The following ANKHD1 variants were observed in gnomAD, a reference collection of about 807,000 sequenced individuals.
The protein encoded by ANKHD1 is ankyrin repeat and KH domain containing 1, also known as ankyrin repeat and KH domain-containing protein 1.
A neutral mutation model predicts 230.5 loss-of-function variants in ANKHD1; 31 were observed. The ratio of observed to expected loss-of-function variants is 0.13; its 90% CI spans 0.10 to 0.18. The LOEUF is 0.18. ANKHD1 is among the 10% of genes least tolerant of loss of function. The pLI is 1.00. For synonymous variants in ANKHD1, 1,074 were observed against 1,117.6 expected, an observed-to-expected ratio of 0.96 and a Z score of 0.78; for missense variants, 2,256 against 3,071.3, an observed-to-expected ratio of 0.73 and a Z score of 6.27.
At chr5:140,414,453 T>C (rs942236595) in intron 1 of ANKHD1, among the ~76,000 whole-genome samples, 1 of 152,220 alleles carries the variant, frequency 6.6e-6, no homozygotes, top group African/African-American at 2.4e-5. Flanking sequence ...TGATTAGTAG[T>C]GTTAAGCATC....
In ANKHD1 at chr5:140,457,341, A is replaced by G. The variant is rs542437637; in HGVS notation, c.1243-1284A>G. Among the ~76,000 whole-genome samples the G allele has an allele frequency of 4.4e-3, 663 of 152,356 alleles. 5 individuals carry two copies. The highest frequency in any genetic ancestry group is 0.013 in the African/African-American group (546 of 41,588). On this transcript the variant is annotated intron_variant, in intron 7 of 33. Coordinates refer to ENST00000360839, the MANE Select transcript of ANKHD1 (RefSeq NM_017747.3). ...ACTAGAAATACCATTTGACCCAGCAATCCCATTACTGGGTATATACCCAAA... is the reference window on the plus strand; with the variant it reads ...ACTAGAAATACCATTTGACCCAGCAGTCCCATTACTGGGTATATACCCAAA...
chr5:140,497,170 A>T lies in ANKHD1; in HGVS notation c.2896A>T (p.Ile966Phe). ...GNQQIVGQPQIAITGHDQGLL... is the reference protein window; with the variant it reads ...GNQQIVGQPQFAITGHDQGLL... ...TCAGCAGATTGTAGGACAGCCTCAG[A>T]TTGCTATTACTGGACATGATCAGGG... Residue 966 changes from isoleucine to phenylalanine, a missense_variant, in exon 15 of 34, where the codon ATT becomes TTT. Ile to Phe is a conservative substitution (Grantham distance 21). This residue lies in a region of ANKHD1 where 358 missense variants were observed against 397.7 expected (regional missense o/e 0.90). Coordinates refer to ENST00000360839, the MANE Select transcript of ANKHD1 (RefSeq NM_017747.3). The T allele has an allele frequency of 3.1e-6, 5 of 1,613,930 alleles. No homozygotes were observed. Among genetic ancestry groups the T allele is most frequent in the Non-Finnish European group, 4.2e-6 (5 of 1,180,006 alleles).
chr5:140,523,535 ATTT>A (rs752989533), intron 24 of ANKHD1, among the ~76,000 whole-genome samples: 20 of 143,804 alleles, frequency 1.4e-4, no homozygotes, highest in Middle Eastern at 3.8e-3. Flanking sequence ...TTGCAAAAAT[ATTT>A]TTCCCATTTT....
intron 22 of ANKHD1, among the ~76,000 whole-genome samples, chr5:140,512,500 T>TA (rs777751280): frequency 6.6e-6 from 1 of 152,206 alleles, no homozygotes. Context: ...TTCTAGGAGA[T>TA]ACTGTTTTTC....
In ANKHD1 at chr5:140,418,781, A is replaced by G. The variant is rs371999887; in HGVS notation, c.306+16508A>G. 4.6e-4 allele frequency among the ~76,000 whole-genome samples: 70 copies of G among 152,338 alleles called. 1 individual carries two copies. In the South Asian group the frequency reaches 7.5e-3, roughly 16 times the overall value. Reference sequence around the variant, plus strand: ...AGTCTTGCTCTGTCACCCAGGCTGCAGTGCAGTGGGGCAGTCATATCTCAT... The same window carrying G: ...AGTCTTGCTCTGTCACCCAGGCTGCGGTGCAGTGGGGCAGTCATATCTCAT... On this transcript the variant is annotated intron_variant, in intron 1 of 33. Transcript: ENST00000360839.
Position 140,506,857 on chromosome 5 carries a change from G to A in ANKHD1, c.3431G>A (p.Arg1144Gln). Reference sequence around the variant, plus strand: ...TAGGTGGTAGACTTGCTGCTGGCTCGAGGTGCAAATAAAGAACATAGGAAC... The same window carrying A: ...TAGGTGGTAGACTTGCTGCTGGCTCAAGGTGCAAATAAAGAACATAGGAAC... ...RQEVVDLLLA[R>Q]GANKEHRNVS... The change falls in exon 19 of 34, where the codon CGA becomes CAA. Residue 1144 changes from arginine (R) to glutamine (Q), a missense_variant. Physicochemically the swap from Arg to Gln is conservative, Grantham distance 43. This residue lies in a region of ANKHD1 where 63 missense variants were observed against 125.5 expected (regional missense o/e 0.50). Transcript: ENST00000360839. The surrounding 1 kb of genome is among the most constrained non-coding windows in gnomAD (Gnocchi z 4.7). 1.2e-6 allele frequency: 2 copies of A among 1,613,928 alleles called. No individual in the cohort carries two copies. Among genetic ancestry groups the A allele is most frequent in the Non-Finnish European group, 1.7e-6 (2 of 1,179,954 alleles).
intron 1 of ANKHD1, among the ~76,000 whole-genome samples, chr5:140,419,274 G>C (rs902209040): frequency 6.6e-6 from 1 of 150,956 alleles, no homozygotes; most frequent in African/African-American, 2.4e-5. Context: ...TATCTTTGAA[G>C]AAATATCTAT....
chr5:140,484,726 T>G (rs1751429321), intron 11 of ANKHD1: 1 of 153,804 alleles, frequency 6.5e-6, no homozygotes, highest in African/African-American at 2.4e-5. Flanking sequence ...GAACTACAGC[T>G]TCATGCAACA....
chr5:140,461,125 G>A (rs1308275880), intron 9 of ANKHD1, among the ~76,000 whole-genome samples: 1 of 152,126 alleles, frequency 6.6e-6, no homozygotes, highest in African/African-American at 2.4e-5. Context: ...CTCAGCTTTT[G>A]TGTTATCTCT....
chr5:140,458,979 TGC>T (rs1477216839), intron 8 of ANKHD1, 117 bp downstream of exon 8: 2,914 of 20,106 alleles, frequency 0.14, 167 homozygotes, highest in Non-Finnish European at 0.18. Flanking sequence ...TATATATATA[TGC>T]ATATATATAT....
In ANKHD1 at chr5:140,507,744, A is replaced by C. The variant is rs766063760; in HGVS notation, c.3552-41A>C. On this transcript the variant is annotated intron_variant, in intron 19 of 33. Coordinates refer to ENST00000360839, the MANE Select transcript of ANKHD1 (RefSeq NM_017747.3). The surrounding 1 kb of genome is among the most constrained non-coding windows in gnomAD (Gnocchi z 4.1). ...TTAATGCTTTTCTAAAATAATAGGC[A>C]ACATATTATTTTAATTTTCTAAGCA... 6.3e-7 allele frequency: 1 copy of C among 1,596,142 alleles called. No homozygotes were observed. The highest frequency in any genetic ancestry group is 1.3e-5 in the African/African-American group (1 of 74,446).
chr5:140,535,626 A>G, intron 30 of ANKHD1, 88 bp downstream of exon 30: 3 of 1,439,124 alleles, frequency 2.1e-6, no homozygotes, highest in South Asian at 3.1e-5. Context: ...TTGTAACTTT[A>G]GTAAACTAAG....
chr5:140,455,382 A>G (rs1400002856), intron 7 of ANKHD1, among the ~76,000 whole-genome samples: 9 of 151,818 alleles, frequency 5.9e-5, no homozygotes, highest in African/African-American at 2.2e-4. Context: ...GCATCATCCT[A>G]ATACCAAAGC....
chr5:140,505,370 C>T, intron 17 of ANKHD1, 137 bp downstream of exon 17: 2 of 1,081,338 alleles, frequency 1.8e-6, no homozygotes, highest in South Asian at 3.4e-5. Context: ...TATCTGGATT[C>T]ATTATTCTGC....
intron 1 of ANKHD1, among the ~76,000 whole-genome samples, chr5:140,420,811 G>T (rs1484702348): frequency 6.6e-6 from 1 of 152,046 alleles, no homozygotes; most frequent in African/African-American, 2.4e-5. Context: ...GGTTATTCTG[G>T]GTTATTGGTT....
chr5:140,536,156 C>T (rs1174112713), intron 30 of ANKHD1, among the ~76,000 whole-genome samples: 2 of 152,176 alleles, frequency 1.3e-5, no homozygotes, highest in South Asian at 2.1e-4. Context: ...TGCAGTGGCA[C>T]GATCTTGGTT....
chr5:140,410,335 A>T (rs59031353), intron 1 of ANKHD1, among the ~76,000 whole-genome samples: 394 of 152,226 alleles, frequency 2.6e-3, no homozygotes, highest in African/African-American at 9.2e-3. Context: ...GTTATGAATG[A>T]AGGATGGAGG....
At chr5:140,474,563 A>T (rs572130685) in intron 10 of ANKHD1, among the ~76,000 whole-genome samples, 2 of 151,260 alleles carry the variant, frequency 1.3e-5, no homozygotes, top group Non-Finnish European at 3.0e-5. Flanking sequence ...ATTTTTTCTT[A>T]CAGTGCTCAT....
chr5:140,511,111 A>G (rs1010934804), intron 22 of ANKHD1, among the ~76,000 whole-genome samples: 7 of 152,130 alleles, frequency 4.6e-5, no homozygotes, highest in Non-Finnish European at 8.8e-5. Context: ...GGCGTGAGCC[A>G]TGCCTCTCAT....
Sources: allele counts gnomAD v4.1 joint callset (sites outside exome capture counted in the v4.1 genomes callset), GRCh38; gene constraint gnomAD v4.1.1; regional missense constraint gnomAD v4.1.1; non-coding constraint Gnocchi (gnomAD v3.1); transcripts MANE v1.5; gene names NCBI Gene and HGNC (gene_info 2026-07-23, HGNC 2026-07-21).